The following RALYL variants were observed in gnomAD, a reference collection of about 807,000 sequenced individuals.
RALYL encodes the protein RNA-binding Raly-like protein.
RALYL carries 29 observed loss-of-function variants against 35.1 expected under a neutral mutation model. The ratio of observed to expected loss-of-function variants is 0.83; its 90% CI spans 0.61 to 1.13. The LOEUF is 1.13. RALYL is among the 50% of genes most tolerant of loss of function. The pLI is 0.00. For missense variants in RALYL, 359 were observed against 360.4 expected, an observed-to-expected ratio of 1.00 and a Z score of 0.03; for synonymous variants, 120 against 127.6, an observed-to-expected ratio of 0.94 and a Z score of 0.40.
chr8:84,745,420 C>T (rs1003319307), intron 2 of RALYL, among the ~76,000 whole-genome samples: 4 of 151,874 alleles, frequency 2.6e-5, no homozygotes, highest in African/African-American at 9.7e-5. Flanking sequence ...TTCATAAGCC[C>T]TAGGGTTTCT....
chr8:84,526,257 A>G (rs2058888967), intron 1 of RALYL, among the ~76,000 whole-genome samples: 1 of 152,038 alleles, frequency 6.6e-6, no homozygotes, highest in African/African-American at 2.4e-5. Flanking sequence ...ACCTGGCCCA[A>G]TTATTGTTTT....
At chr8:84,544,528 A>G (rs998539344) in intron 2 of RALYL, among the ~76,000 whole-genome samples, 1 of 149,832 alleles carries the variant, frequency 6.7e-6, no homozygotes, top group Non-Finnish European at 1.5e-5. Context: ...CATGTGCCAT[A>G]GTTTATTAAA....
intron 2 of RALYL, among the ~76,000 whole-genome samples, chr8:84,708,457 C>T (rs1841591416): frequency 6.6e-6 from 1 of 152,064 alleles, no homozygotes; most frequent in East Asian, 1.9e-4. Context: ...TTGTGCAAAA[C>T]TGCATTAAAT....
intron 1 of RALYL, among the ~76,000 whole-genome samples, chr8:84,449,948 T>C (rs2049273523): frequency 2.6e-5 from 4 of 151,986 alleles, no homozygotes; most frequent in Middle Eastern, 6.8e-3. Flanking sequence ...TCAGGGACCA[T>C]ATTGTCCTCA....
intron 2 of RALYL, among the ~76,000 whole-genome samples, chr8:84,537,792 A>G (rs2059720837): frequency 6.6e-6 from 1 of 152,220 alleles, no homozygotes; most frequent in African/African-American, 2.4e-5. Flanking sequence ...TCATTTTACA[A>G]ATAAGGGGAA....
intron 2 of RALYL, among the ~76,000 whole-genome samples, chr8:84,732,125 C>G (rs181914907): frequency 1.3e-5 from 2 of 152,114 alleles, no homozygotes. Context: ...GAATCCTTAT[C>G]CCTTTCATAC....
intron 2 of RALYL, among the ~76,000 whole-genome samples, chr8:84,616,513 T>C (rs1819697856): frequency 6.7e-6 from 1 of 149,314 alleles, no homozygotes; most frequent in South Asian, 2.1e-4. Flanking sequence ...GATGAGTAGG[T>C]TGCAAAAATT....
At chr8:84,575,563 G>A (rs909547451) in intron 2 of RALYL, among the ~76,000 whole-genome samples, 2 of 152,098 alleles carry the variant, frequency 1.3e-5, no homozygotes, top group Admixed American at 6.6e-5. Context: ...TTCTTTTGGG[G>A]CTTATCTTGC....
chr8:84,590,335 T>A (rs1268704624), intron 2 of RALYL, among the ~76,000 whole-genome samples: 1 of 152,194 alleles, frequency 6.6e-6, no homozygotes, highest in Non-Finnish European at 1.5e-5. Flanking sequence ...ATCATAAAAT[T>A]ATGTTGGAAC....
intron 2 of RALYL, among the ~76,000 whole-genome samples, chr8:84,644,406 T>C (rs1564298278): frequency 3.3e-5 from 5 of 152,084 alleles, no homozygotes; most frequent in Admixed American, 1.3e-4. Flanking sequence ...TTAAAATGGA[T>C]AAAATTCCTA....
chr8:84,719,596 G>A (rs1319551017), intron 2 of RALYL, among the ~76,000 whole-genome samples: 1 of 152,002 alleles, frequency 6.6e-6, no homozygotes. Flanking sequence ...CCCTATTGTT[G>A]TACTAATTAT....
chr8:84,533,535 A>G (rs2059404902), intron 2 of RALYL, among the ~76,000 whole-genome samples: 1 of 152,190 alleles, frequency 6.6e-6, no homozygotes. Flanking sequence ...CTTGTAAAAG[A>G]TACAATTTAT....
intron 1 of RALYL, among the ~76,000 whole-genome samples, chr8:84,445,062 G>A (rs892997002): frequency 1.3e-5 from 2 of 151,954 alleles, no homozygotes; most frequent in African/African-American, 4.8e-5. Context: ...GAAATAAATT[G>A]CCATTTTTTA....
intron 2 of RALYL, among the ~76,000 whole-genome samples, chr8:84,552,358 ATTTTTTTTTT>A (rs1167949176): frequency 6.5e-5 from 2 of 30,614 alleles, no homozygotes; most frequent in Non-Finnish European, 1.2e-4. Context: ...ATATATATAT[ATTTTTTTTTT>A]TTTTTTTTTT....
At chr8:84,697,635 T>C (rs1467604675) in intron 2 of RALYL, among the ~76,000 whole-genome samples, 1 of 152,096 alleles carries the variant, frequency 6.6e-6, no homozygotes, top group Non-Finnish European at 1.5e-5. Context: ...AGGTTTGTTA[T>C]ACAGGTAAAC....
intron 1 of RALYL, among the ~76,000 whole-genome samples, chr8:84,313,863 AC>A (rs1360277886): frequency 1.3e-5 from 2 of 152,150 alleles, no homozygotes; most frequent in African/African-American, 4.8e-5. Context: ...TCTTCCTGTT[AC>A]CCATTTCCAC....
chr8:84,661,930 A>G (rs975717165), intron 2 of RALYL, among the ~76,000 whole-genome samples: 2 of 145,826 alleles, frequency 1.4e-5, no homozygotes, highest in African/African-American at 2.5e-5. Flanking sequence ...TCATAGTCAC[A>G]TTTTTGTTAC....
intron 7 of RALYL, among the ~76,000 whole-genome samples, chr8:84,877,324 G>A (rs1586917459): frequency 1.3e-5 from 2 of 151,666 alleles, no homozygotes; most frequent in Admixed American, 1.3e-4. Flanking sequence ...CTGTCTCTAC[G>A]AAAAATACAA....
chr8:84,561,107 T>C (rs1020736173), intron 2 of RALYL, among the ~76,000 whole-genome samples: 1 of 152,040 alleles, frequency 6.6e-6, no homozygotes, highest in African/African-American at 2.4e-5. Flanking sequence ...TTAATACCAA[T>C]CTCTGAAAAT....
Sources: gnomAD v4.1 joint callset for allele counts (sites outside exome capture counted in the v4.1 genomes callset) on GRCh38, gnomAD v4.1.1 for gene constraint, MANE v1.5 for transcripts, NCBI Gene and HGNC (gene_info 2026-07-23, HGNC 2026-07-21) for gene names.